The following CXADR variants were observed in gnomAD, a reference collection of about 807,000 sequenced individuals.
CXADR encodes the protein coxsackievirus and adenovirus receptor.
Under a neutral mutation model 40.3 loss-of-function variants are expected in CXADR, and 20 were observed. The observed-to-expected ratio is 0.50, with a 90% CI of 0.35 to 0.72. CXADR has a LOEUF of 0.72. Among genes scored for constraint, CXADR ranks in the 30% least tolerant of loss-of-function variants. The pLI is 0.01. For missense variants in CXADR, 332 were observed against 449.1 expected, an observed-to-expected ratio of 0.74 and a Z score of 2.36; for synonymous variants, 150 against 161.3, an observed-to-expected ratio of 0.93 and a Z score of 0.53.
chr21:17,618,195 A>G, the CXADR span, among the ~76,000 whole-genome samples: 1 of 151,964 alleles, frequency 6.6e-6, no homozygotes, highest in South Asian at 2.1e-4. Flanking sequence ...AACAGGAGAC[A>G]CTCCTCATTC....
chr21:17,599,560 C>T, the CXADR span, among the ~76,000 whole-genome samples: 1 of 151,234 alleles, frequency 6.6e-6, no homozygotes, highest in Non-Finnish European at 1.5e-5. Flanking sequence ...CCACTACAAT[C>T]TCCACCTCCC....
intron 1 of CXADR, among the ~76,000 whole-genome samples, chr21:17,541,635 A>G (rs1322929511): frequency 8.7e-6 from 1 of 115,412 alleles, no homozygotes; most frequent in African/African-American, 3.3e-5. Flanking sequence ...TTTTTTTTTT[A>G]CTCTCTGTAG....
At chr21:17,578,396 T>A (rs1241165895) in intron 7 of CXADR, among the ~76,000 whole-genome samples, 1 of 152,040 alleles carries the variant, frequency 6.6e-6, no homozygotes, top group Admixed American at 6.6e-5. Context: ...CAGGTAAGAG[T>A]GTGTAGAGTG....
chr21:17,524,044 G>A (rs547747708), intron 1 of CXADR, among the ~76,000 whole-genome samples: 9 of 97,398 alleles, frequency 9.2e-5, no homozygotes, highest in East Asian at 3.3e-4. Flanking sequence ...GTGTGTGTGC[G>A]TGTGTGTGTG....
chr21:17,569,363 A>G lies in CXADR; in HGVS notation c.*3671A>G, dbSNP rs1016114774. ...ACTTCTTAGTGGCTTGTGACATTAT[A>G]TATTATATATATATATGTACATATA... On this transcript the variant is annotated 3_prime_UTR_variant, in exon 7 of 7. Transcript: ENST00000284878. The G allele has an allele frequency of 2.1e-6, 2 of 968,586 alleles. No individual in the cohort carries two copies. Among genetic ancestry groups the G allele is most frequent in the East Asian group, 2.5e-4 (2 of 7,976 alleles). The allele number at this position is 968,586 out of a possible 1,614,324, so 60.0% of individuals were successfully genotyped here.
At chr21:17,590,599 C>T (rs1166027928) in intron 7 of CXADR, among the ~76,000 whole-genome samples, 2 of 151,954 alleles carry the variant, frequency 1.3e-5, no homozygotes, top group Non-Finnish European at 2.9e-5. Context: ...GTGCCATATG[C>T]AATGCAGGGA....
chr21:17,571,731 T>C (rs567840525), downstream of CXADR, among the ~76,000 whole-genome samples: 30 of 152,316 alleles, frequency 2.0e-4, 2 homozygotes, highest in East Asian at 4.4e-3. Context: ...TAAATATTTA[T>C]AGGGGGAAAA....
intron 3 of CXADR, among the ~76,000 whole-genome samples, chr21:17,552,390 A>G (rs1256184430): frequency 6.6e-6 from 1 of 152,210 alleles, no homozygotes; most frequent in Non-Finnish European, 1.5e-5. Flanking sequence ...ATCACATAGT[A>G]TTTAAGCTTC....
the CXADR span, among the ~76,000 whole-genome samples, chr21:17,606,905 A>G: frequency 6.6e-6 from 1 of 152,294 alleles, no homozygotes; most frequent in East Asian, 1.9e-4. Flanking sequence ...TTCAAAAGGT[A>G]TGAATATTTT....
At chr21:17,539,736 C>T (rs1453365236) in intron 1 of CXADR, among the ~76,000 whole-genome samples, 1 of 152,136 alleles carries the variant, frequency 6.6e-6, no homozygotes, top group Non-Finnish European at 1.5e-5. Flanking sequence ...GAGGGACCAT[C>T]CAGGCAGTTC....
At chr21:17,565,003 G>A (rs890129425) in intron 6 of CXADR, among the ~76,000 whole-genome samples, 1 of 152,250 alleles carries the variant, frequency 6.6e-6, no homozygotes, top group East Asian at 1.9e-4. Context: ...CCAAAGTGCT[G>A]GGATTACAGG....
At chr21:17,610,426 G>A in the CXADR span, among the ~76,000 whole-genome samples, 1 of 152,148 alleles carries the variant, frequency 6.6e-6, no homozygotes, top group Non-Finnish European at 1.5e-5. Context: ...CAAGTTAAGA[G>A]ACACAAAAAC....
At chr21:17,610,504 G>A in the CXADR span, among the ~76,000 whole-genome samples, 2 of 152,122 alleles carry the variant, frequency 1.3e-5, no homozygotes, top group South Asian at 4.1e-4. Flanking sequence ...CAAACTAAAA[G>A]AAATAATCAG....
At chr21:17,594,045 T>G (rs1172875666), downstream of CXADR, 3 of 1,589,058 alleles carry the variant, frequency 1.9e-6, no homozygotes, top group Non-Finnish European at 2.6e-6. Context: ...GTAGTAAGGT[T>G]TATTCTACCT....
At chr21:17,623,496 C>T in the CXADR span, among the ~76,000 whole-genome samples, 1 of 152,136 alleles carries the variant, frequency 6.6e-6, no homozygotes, top group African/African-American at 2.4e-5. Flanking sequence ...TCTTTACATT[C>T]ATTTCCTCTG....
In CXADR at chr21:17,567,844, C is replaced by T. The variant is rs1036763923; in HGVS notation, c.*2152C>T. 5.2e-6 allele frequency: 5 copies of T among 955,846 alleles called. No individual in the cohort carries two copies. Among genetic ancestry groups the T allele is most frequent in the Admixed American group, 6.7e-5 (1 of 14,832 alleles). 59.2% of individuals were successfully genotyped at this position (955,846 alleles called of 1,614,324 possible). A position where few individuals can be genotyped will look rare whatever the true frequency, so the allele number is the denominator to read the frequency against. ...TAGAAGTTATCATAGAAAGTGGACA[C>T]GTATAAGACTTTCCTTCCTTTTTTT... On this transcript the variant is annotated 3_prime_UTR_variant, in exon 7 of 7. Coordinates refer to ENST00000284878, the MANE Select transcript of CXADR (RefSeq NM_001338.5).
chr21:17,600,141 TA>T, the CXADR span, among the ~76,000 whole-genome samples: 19 of 151,548 alleles, frequency 1.3e-4, no homozygotes, highest in East Asian at 3.9e-4. Flanking sequence ...GCTGGTTACT[TA>T]AAAAAAAATT....
intron 1 of CXADR, chr21:17,518,921 T>C: frequency 6.3e-7 from 1 of 1,594,366 alleles, no homozygotes; most frequent in East Asian, 2.2e-5. Context: ...TGTACCACCT[T>C]CTTTCTGCGA....
At chr21:17,584,741 G>C (rs2061383104) in intron 7 of CXADR, among the ~76,000 whole-genome samples, 1 of 152,234 alleles carries the variant, frequency 6.6e-6, no homozygotes, top group Non-Finnish European at 1.5e-5. Flanking sequence ...TGAGGCAGGA[G>C]AATTGCTTGA....
Sources: allele counts gnomAD v4.1 joint callset (sites outside exome capture counted in the v4.1 genomes callset), GRCh38; gene constraint gnomAD v4.1.1; transcripts MANE v1.5; gene names NCBI Gene and HGNC (gene_info 2026-07-23, HGNC 2026-07-21).